Variants in SAMD10 observed in about 807,000 individuals in gnomAD.
The protein encoded by SAMD10 is sterile alpha motif domain containing 10.
SAMD10 carries 16 observed loss-of-function variants against 22.5 expected under a neutral mutation model. The ratio of observed to expected loss-of-function variants is 0.71; its 90% CI spans 0.48 to 1.08. The LOEUF (loss-of-function observed/expected upper bound fraction) is 1.08, where lower values mean the gene tolerates loss of function less well. Ranked by LOEUF, SAMD10 falls within the 50% of genes least tolerant of loss-of-function variation. SAMD10 has a pLI of 0.00. For missense variants in SAMD10, 227 were observed against 281.3 expected, an observed-to-expected ratio of 0.81 and a Z score of 1.38; for synonymous variants, 118 against 122.2, an observed-to-expected ratio of 0.97 and a Z score of 0.23.
Position 63,979,386 on chromosome 20 carries a change from C to G in SAMD10, c.82G>C (p.Asp28His), listed in dbSNP as rs1437635391. ...AVRAGFGERR[D>H]VDATAHFSFC... The stretch of plus-strand genomic sequence containing the variant: ...ATCCAGCCCCGCTCACCGTCCACAT[C>G]CCGGCGCTCCCCGAAGCCCGCGCGC... The change falls in exon 1 of 5, where the codon GAT (aspartate) becomes CAT (histidine). Residue 28 changes from aspartate to histidine, a missense_variant. Coordinates refer to ENST00000369886, the MANE Select transcript of SAMD10 (RefSeq NM_080621.5). This position sits in a 1 kb window ranked among gnomAD's most constrained non-coding sequence, Gnocchi z 7.7. 3 of 1,487,078 alleles carry G rather than the reference C, an allele frequency of 2.0e-6. No individual in the cohort carries two copies. The highest frequency in any genetic ancestry group is 2.2e-5 in the Admixed American group (1 of 45,046). 92.1% of individuals were successfully genotyped at this position (1,487,078 alleles called of 1,614,324 possible).
rs1412165438 is a variant in SAMD10, at chr20:63,975,849, G to C, written c.446-17C>G. The C allele has an allele frequency of 1.3e-6, 2 of 1,576,868 alleles. No individual in the cohort carries two copies. Among genetic ancestry groups the C allele is most frequent in the Non-Finnish European group, 1.7e-6 (2 of 1,168,114 alleles). On this transcript the variant is annotated splice_polypyrimidine_tract_variant and intron_variant, in intron 3 of 4. Coordinates refer to ENST00000369886, the MANE Select transcript of SAMD10 (RefSeq NM_080621.5). The stretch of plus-strand genomic sequence containing the variant: ...GTGCCCGGCCTGGGGAGAGGAAAGA[G>C]GGGCTGAGCTGAGGCCAACAGAGGC...
rs1231901513 is a variant in SAMD10 at position 63,979,579 on chromosome 20, G to T, written c.-112C>A. ...CCCGCCCCGCCCCAGCCGGCCCCGC[G>T]CCCGAGCCGGTCCCCGCGGCCCGCG... On this transcript the variant is annotated 5_prime_UTR_variant, in exon 1 of 5. Coordinates refer to ENST00000369886, the MANE Select transcript of SAMD10 (RefSeq NM_080621.5). This position sits in a 1 kb window ranked among gnomAD's most constrained non-coding sequence, Gnocchi z 7.7. The T allele has an allele frequency of 1.0e-6, 1 of 984,132 alleles. No homozygotes were observed. The highest frequency in any genetic ancestry group is 1.8e-5 in the African/African-American group (1 of 56,816). 61.0% of individuals were successfully genotyped at this position (984,132 alleles called of 1,614,324 possible). A position where few individuals can be genotyped will look rare whatever the true frequency, so the allele number is the denominator to read the frequency against.
chr20:63,975,483 G>A lies in SAMD10; in HGVS notation c.*27C>T. On this transcript the variant is annotated 3_prime_UTR_variant, in exon 5 of 5. Coordinates refer to ENST00000369886, the MANE Select transcript of SAMD10 (RefSeq NM_080621.5). ...GCCGTGGACTCCCATCACAGTGCTGGGGTCTGGGTTCAAGCCTCAGCAGCA... is the reference window on the plus strand; with the variant it reads ...GCCGTGGACTCCCATCACAGTGCTGAGGTCTGGGTTCAAGCCTCAGCAGCA... The A allele has an allele frequency of 1.2e-6, 2 of 1,612,428 alleles. No homozygotes were observed. The highest frequency in any genetic ancestry group is 1.7e-6 in the Non-Finnish European group (2 of 1,179,328).
rs2122926821 is a variant in SAMD10, at chr20:63,975,552, G to A, written c.587-20C>T. The A allele has an allele frequency of 6.2e-7, 1 of 1,605,338 alleles. No homozygotes were observed. Among genetic ancestry groups the A allele is most frequent in the South Asian group, 1.1e-5 (1 of 90,062 alleles). On this transcript the variant is annotated intron_variant, in intron 4 of 4. Coordinates refer to ENST00000369886, the MANE Select transcript of SAMD10 (RefSeq NM_080621.5). ...AGGAAGCTGTGTGATGGAAGAGGGT[G>A]AGAATGGGGTGGGGTCTTTGGCATC...
chr20:63,980,076 C>G (rs1005315156), upstream of SAMD10: 1 of 152,614 alleles, frequency 6.6e-6, no homozygotes, highest in Admixed American at 6.5e-5. Flanking sequence ...TGCTCTGTAA[C>G]TGAAAGGGGC....
rs757277590 is a variant in SAMD10 at position 63,977,080 on chromosome 20, G to T, written c.336C>A (p.Thr112=). Residue 112 remains threonine, a synonymous_variant, in exon 3 of 5, where the codon ACC becomes ACA. Coordinates refer to ENST00000369886, the MANE Select transcript of SAMD10 (RefSeq NM_080621.5). This position sits in a 1 kb window ranked among gnomAD's most constrained non-coding sequence, Gnocchi z 5.4. ...YHTSPSLGGL[T]RPVVLWSQQD... ...GCTGACTCCACAGGACCACGGGCCG[G>T]GTCAGGCCACCCAGCGAGGGGCTTG... The T allele has an allele frequency of 6.8e-6, 11 of 1,614,146 alleles. No individual in the cohort carries two copies. The highest frequency in any genetic ancestry group is 9.3e-6 in the Non-Finnish European group (11 of 1,180,036).
rs1371483823 is a variant in SAMD10 at position 63,979,338 on chromosome 20, G to A, written c.91+39C>T. The A allele has an allele frequency of 2.4e-6, 2 of 845,810 alleles. No homozygotes were observed. The highest frequency in any genetic ancestry group is 2.3e-5 in the African/African-American group (1 of 43,254). 52.4% of individuals were successfully genotyped at this position (845,810 alleles called of 1,614,324 possible). ...GTGCCTCTGGGTCCCTGAGACCCCC[G>A]CCCGAGAAATCCCCGCTCCCCAATC... is the stretch of plus-strand genomic sequence containing the variant. On this transcript the variant is annotated intron_variant, in intron 1 of 4. Coordinates refer to ENST00000369886, the MANE Select transcript of SAMD10 (RefSeq NM_080621.5). The surrounding 1 kb of genome is among the most constrained non-coding windows in gnomAD (Gnocchi z 7.7).
In SAMD10 at chr20:63,975,829, C is replaced by G. The variant is rs1184118832; in HGVS notation, c.449G>C (p.Arg150Pro). The G allele has an allele frequency of 1.3e-6, 2 of 1,593,628 alleles. No homozygotes were observed. The highest frequency in any genetic ancestry group is 2.3e-5 in the East Asian group (1 of 44,306). ...CTCCGCATTCAGCCGCAGCAGTGCC[C>G]GGCCTGGGGAGAGGAAAGAGGGGCT... ...EAFSQHAITG[R>P]ALLRLNAEKL... Residue 150 changes from arginine to proline, a missense_variant, in exon 4 of 5, where the codon CGG (arginine) becomes CCG (proline). By Grantham distance (103) the Arg-to-Pro change is moderately radical. Transcript: ENST00000369886.
Position 63,979,306 on chromosome 20 carries a change from C to T in SAMD10, c.91+71G>A. 1 of 1,176,484 alleles carries T rather than the reference C, an allele frequency of 8.5e-7. No individual in the cohort carries two copies. Among genetic ancestry groups the T allele is most frequent in the Non-Finnish European group, 1.1e-6 (1 of 886,978 alleles). The allele number at this position is 1,176,484 out of a possible 1,614,324, so 72.9% of individuals were successfully genotyped here. A position where few individuals can be genotyped will look rare whatever the true frequency, so the allele number is the denominator to read the frequency against. On this transcript the variant is annotated intron_variant, in intron 1 of 4. Coordinates refer to ENST00000369886, the MANE Select transcript of SAMD10 (RefSeq NM_080621.5). The surrounding 1 kb of genome is among the most constrained non-coding windows in gnomAD (Gnocchi z 7.7). ...GCTCGAAGCCCGCCGGGTCCCGCCC[C>T]GCCCCCGTGCCTCTGGGTCCCTGAG...
chr20:63,978,536 GGT>G, intron 1 of SAMD10, among the ~76,000 whole-genome samples: 1 of 152,170 alleles, frequency 6.6e-6, no homozygotes, highest in African/African-American at 2.4e-5. Context: ...CCAGGGCAGG[GGT>G]TGGGGATGTG....
At position 63,974,380 on chromosome 20, in the gene SAMD10, A is replaced by G. The variant is rs1311127798; in HGVS notation, c.*1130T>C. ...TGGGAGCGGCCAGGCCAGTTGTCCA[A>G]ATTCCACCTGGGACCTGCAGTGACC... On this transcript the variant is annotated 3_prime_UTR_variant, in exon 5 of 5. Transcript: ENST00000369886. 6.6e-6 allele frequency: 1 copy of G among 152,666 alleles called. No individual in the cohort carries two copies. Among genetic ancestry groups the G allele is most frequent in the Non-Finnish European group, 1.5e-5 (1 of 68,156 alleles). 9.5% of individuals were successfully genotyped at this position (152,666 alleles called of 1,614,324 possible). A position where few individuals can be genotyped will look rare whatever the true frequency, so the allele number is the denominator to read the frequency against.
rs1054205792 is a variant in SAMD10, at chr20:63,977,170, G to C, written c.274-28C>G. 2.5e-6 allele frequency: 4 copies of C among 1,612,878 alleles called. No individual in the cohort carries two copies. Among genetic ancestry groups the C allele is most frequent in the Middle Eastern group, 1.7e-4 (1 of 6,060 alleles). On this transcript the variant is annotated intron_variant, in intron 2 of 4. Coordinates refer to ENST00000369886, the MANE Select transcript of SAMD10 (RefSeq NM_080621.5). The surrounding 1 kb of genome is among the most constrained non-coding windows in gnomAD (Gnocchi z 5.4). ...GCAGGGGAGGGGCGTGGCAGGCAGAGTGAGAGTGGTGGAGAAGGAGGGCAG... is the reference window on the plus strand; with the variant it reads ...GCAGGGGAGGGGCGTGGCAGGCAGACTGAGAGTGGTGGAGAAGGAGGGCAG...
chr20:63,978,233 G>A (rs1472718782), intron 1 of SAMD10: 3 of 1,009,088 alleles, frequency 3.0e-6, no homozygotes, highest in Non-Finnish European at 4.2e-6. Context: ...CATCTCTGGG[G>A]GCACTGCTGA....
chr20:63,979,305 C>T lies in SAMD10; in HGVS notation c.91+72G>A. On this transcript the variant is annotated intron_variant, in intron 1 of 4. Coordinates refer to ENST00000369886, the MANE Select transcript of SAMD10 (RefSeq NM_080621.5). This position sits in a 1 kb window ranked among gnomAD's most constrained non-coding sequence, Gnocchi z 7.7. ...CGCTCGAAGCCCGCCGGGTCCCGCC[C>T]CGCCCCCGTGCCTCTGGGTCCCTGA... is the stretch of plus-strand genomic sequence containing the variant. 5 of 1,175,780 alleles carry T rather than the reference C, an allele frequency of 4.3e-6. No homozygotes were observed. The highest frequency in any genetic ancestry group is 5.6e-6 in the Non-Finnish European group (5 of 886,588). 72.8% of individuals were successfully genotyped at this position (1,175,780 alleles called of 1,614,324 possible).
In SAMD10 at chr20:63,977,374, G is replaced by A; in HGVS notation, c.124C>T (p.Leu42=). 6.2e-7 allele frequency: 1 copy of A among 1,613,276 alleles called. No individual in the cohort carries two copies. The highest frequency in any genetic ancestry group is 8.5e-7 in the Non-Finnish European group (1 of 1,180,024). ...TAHFSFCRTL[L]EHTVSAESIP... ...CTCTCAGCTGACACCGTGTGCTCCA[G>A]GAGGGTCCGGCAGAAGCTGAAGTGG... is the stretch of plus-strand genomic sequence containing the variant. Residue 42 remains leucine (L), a synonymous_variant, in exon 2 of 5, where the codon CTG becomes TTG. Coordinates refer to ENST00000369886, the MANE Select transcript of SAMD10 (RefSeq NM_080621.5). The surrounding 1 kb of genome is among the most constrained non-coding windows in gnomAD (Gnocchi z 5.4).
Position 63,977,575 on chromosome 20 carries a change from C to G in SAMD10, c.92-169G>C, listed in dbSNP as rs1053246103. On this transcript the variant is annotated intron_variant, in intron 1 of 4. Coordinates refer to ENST00000369886, the MANE Select transcript of SAMD10 (RefSeq NM_080621.5). This position sits in a 1 kb window ranked among gnomAD's most constrained non-coding sequence, Gnocchi z 5.4. ...AGAAGGAAGTGTGCAGGACCTGTTTCGAGGACCTCACCCAGCACAAAAAGA... is the reference window on the plus strand; with the variant it reads ...AGAAGGAAGTGTGCAGGACCTGTTTGGAGGACCTCACCCAGCACAAAAAGA... Among the ~76,000 whole-genome samples the G allele has an allele frequency of 2.6e-5, 4 of 152,208 alleles. No individual in the cohort carries two copies. The highest frequency in any genetic ancestry group is 9.7e-5 in the African/African-American group (4 of 41,448).
rs1220258425 is a variant in SAMD10 at position 63,976,971 on chromosome 20, C to T, written c.445G>A (p.Gly149Ser). The T allele has an allele frequency of 2.0e-5, 32 of 1,613,844 alleles. No homozygotes were observed. The highest frequency in any genetic ancestry group is 2.7e-5 in the African/African-American group (2 of 74,864). The change falls in exon 3 of 5, where the codon GGC (glycine) becomes AGC (serine). Residue 149 changes from glycine to serine, a missense_variant and splice_region_variant. Coordinates refer to ENST00000369886, the MANE Select transcript of SAMD10 (RefSeq NM_080621.5). ...CACAGCACCCTCAGCGCCACTGTAC[C>T]GGTGATGGCATGCTGGGAGAAGGCC... is the stretch of plus-strand genomic sequence containing the variant. ...VEAFSQHAIT[G>S]RALLRLNAEK...
At chr20:63,975,661 C>T in intron 4 of SAMD10, 31 bp downstream of exon 4, 1 of 1,577,902 alleles carries the variant, frequency 6.3e-7, no homozygotes. Context: ...TCTCCATCAG[C>T]CCCCAGGCCT....
chr20:63,976,421 GA>G (rs1036454319), intron 3 of SAMD10, among the ~76,000 whole-genome samples: 1 of 152,014 alleles, frequency 6.6e-6, no homozygotes, highest in African/African-American at 2.4e-5. Context: ...ACGGAACAGA[GA>G]AAAGCCAGAT....
Sources: allele counts gnomAD v4.1 joint callset (sites outside exome capture counted in the v4.1 genomes callset), GRCh38; gene constraint gnomAD v4.1.1; non-coding constraint Gnocchi (gnomAD v3.1); transcripts MANE v1.5; gene names NCBI Gene and HGNC (gene_info 2026-07-23, HGNC 2026-07-21).